The following NOTCH3 variants were observed in gnomAD, a reference collection of about 807,000 sequenced individuals.
The protein encoded by NOTCH3 is notch receptor 3.
In NOTCH3, 86 loss-of-function variants were observed where a neutral mutation model predicts 213.3. The ratio of observed to expected loss-of-function variants is 0.40; its 90% CI spans 0.34 to 0.48. NOTCH3 has a LOEUF of 0.48. Ranked by LOEUF, NOTCH3 falls within the 20% of genes least tolerant of loss-of-function variation. The pLI, the probability that NOTCH3 is intolerant of heterozygous loss-of-function variation, is 0.57. For synonymous variants in NOTCH3, 1,354 were observed against 1,355.9 expected, an observed-to-expected ratio of 1.00 and a Z score of 0.03; for missense variants, 2,783 against 3,272.6, an observed-to-expected ratio of 0.85 and a Z score of 3.65.
chr19:15,197,742 C>G (rs1290403357), intron 1 of NOTCH3, among the ~76,000 whole-genome samples, 164 bp from the exon 2 acceptor site: 7 of 83,248 alleles, frequency 8.4e-5, no homozygotes, highest in Admixed American at 5.3e-4. Context: ...ACGCCCCCCC[C>G]CCCCCCGCCC....
intron 2 of NOTCH3, among the ~76,000 whole-genome samples, chr19:15,195,905 G>A (rs894176065): frequency 2.6e-5 from 4 of 151,598 alleles, no homozygotes; most frequent in Non-Finnish European, 4.4e-5. Flanking sequence ...TAAGCTTTGG[G>A]GGAGACGGAG....
chr19:15,173,104 CTTTTTTTTTTTTT>C (rs1162467192), intron 25 of NOTCH3, among the ~76,000 whole-genome samples: 2 of 19,252 alleles, frequency 1.0e-4, no homozygotes, highest in African/African-American at 1.1e-3. Flanking sequence ...TCTTCTTCTT[CTTTTTTTTTTTTT>C]TTTTTTTTTT....
rs746173197 is a variant in NOTCH3, at chr19:15,185,439, G to A, written c.2145-31C>T. 12 of 1,611,938 alleles carry A rather than the reference G, an allele frequency of 7.4e-6. No homozygotes were observed. Among genetic ancestry groups the A allele is most frequent in the East Asian group, 2.2e-5 (1 of 44,820 alleles). ...AGGGGAAGGTAGTCAGGCCAGGGAG[G>A]TGGGCCAGGGAGAGGGGGCAGTGTC... On this transcript the variant is annotated intron_variant, in intron 13 of 32. Coordinates refer to ENST00000263388, the MANE Select transcript of NOTCH3 (RefSeq NM_000435.3). This position sits in a 1 kb window ranked among gnomAD's most constrained non-coding sequence, Gnocchi z 4.2.
chr19:15,169,563 G>T (rs2145398392), intron 28 of NOTCH3, among the ~76,000 whole-genome samples: 1 of 152,274 alleles, frequency 6.6e-6, no homozygotes, highest in East Asian at 1.9e-4. Context: ...TACAGACGGG[G>T]TTTCACCATG....
chr19:15,184,943 G>C lies in NOTCH3; in HGVS notation c.2373C>G (p.Gly791=). Residue 791 remains glycine (G), a synonymous_variant, in exon 15 of 33, where the codon GGC becomes GGG. Coordinates refer to ENST00000263388, the MANE Select transcript of NOTCH3 (RefSeq NM_000435.3). ...EHGGRCESAP[G]QLPVCSCPQG... ...GGGGGCAGGAGCAGACAGGCAGCTG[G>C]CCAGGGGCAGACTCGCAGCGGCCCC... 1 of 1,549,870 alleles carries C rather than the reference G, an allele frequency of 6.5e-7. No individual in the cohort carries two copies. Among genetic ancestry groups the C allele is most frequent in the Non-Finnish European group, 8.7e-7 (1 of 1,146,190 alleles).
At chr19:15,188,179 A>C in intron 9 of NOTCH3, 56 bp downstream of exon 9, 1 of 1,326,108 alleles carries the variant, frequency 7.5e-7, no homozygotes. Context: ...CCCACCCTGG[A>C]GTTTTTGCCC....
intron 28 of NOTCH3, among the ~76,000 whole-genome samples, chr19:15,169,242 C>T (rs1373490453): frequency 1.3e-5 from 2 of 149,120 alleles, no homozygotes. Context: ...CCTCTGTGTA[C>T]ACAGAGGAAA....
chr19:15,192,905 A>G (rs1043492568), intron 2 of NOTCH3, among the ~76,000 whole-genome samples: 2 of 151,938 alleles, frequency 1.3e-5, no homozygotes, highest in Non-Finnish European at 2.9e-5. Flanking sequence ...ACAGAGTAAG[A>G]CTCGGTCTCA....
intron 16 of NOTCH3, 48 bp from the exon 17 acceptor site, chr19:15,181,849 GC>G: frequency 6.8e-7 from 1 of 1,480,818 alleles, no homozygotes; most frequent in South Asian, 1.2e-5. Context: ...GCCCCCATTA[GC>G]CCAGTCTGAC....
rs1487780762 is a variant in NOTCH3 at position 15,192,412 on chromosome 19, G to A, written c.305C>T (p.Ala102Val). 18 of 1,612,246 alleles carry A rather than the reference G, an allele frequency of 1.1e-5. No homozygotes were observed. The highest frequency in any genetic ancestry group is 1.7e-5 in the Admixed American group (1 of 59,978). The stretch of plus-strand genomic sequence containing the variant: ...ACGGGGGCACCGGCATGAGAATCGG[G>A]CGGTGCCAGCCACCACTGAACTCTG... ...VCQSSVVAGT[A>V]RFSCRCPRGF... Residue 102 changes from alanine to valine, a missense_variant, in exon 3 of 33, where the codon GCC becomes GTC. Around this residue, in one of 6 missense-constraint regions of NOTCH3, gnomAD observed 708 missense variants for 906.6 expected, o/e 0.78. Coordinates refer to ENST00000263388, the MANE Select transcript of NOTCH3 (RefSeq NM_000435.3).
chr19:15,190,426 A>T (rs2046918173), intron 6 of NOTCH3, among the ~76,000 whole-genome samples: 1 of 151,956 alleles, frequency 6.6e-6, no homozygotes, highest in Non-Finnish European at 1.5e-5. Flanking sequence ...CCCCTCCTAA[A>T]CATGTTCTCT....
chr19:15,181,185 G>A (rs1266467388), intron 17 of NOTCH3, 23 bp from the exon 18 acceptor site: 1 of 1,601,598 alleles, frequency 6.2e-7, no homozygotes, highest in Non-Finnish European at 8.5e-7. Flanking sequence ...GAGTGGGAGG[G>A]AGGATCAGGC....
In NOTCH3 at chr19:15,161,599, T is replaced by C. The variant is rs1460871264; in HGVS notation, c.6029A>G (p.Asp2010Gly). Reference sequence around the variant, plus strand: ...CTGGTGCAGTCTCTCCTGGGCTACGTCCCGCGGCAGCCTGTCCAGGTGGTC... The same window carrying C: ...CTGGTGCAGTCTCTCCTGGGCTACGCCCCGCGGCAGCCTGTCCAGGTGGTC... The part of the protein sequence containing the change: ...ITDHLDRLPR[D>G]VAQERLHQDI... Residue 2010 changes from aspartate (D) to glycine (G), a missense_variant, in exon 33 of 33, where the codon GAC becomes GGC. Asp to Gly is a moderately conservative substitution (Grantham distance 94). This residue lies in a region of NOTCH3 where 441 missense variants were observed against 432.1 expected (regional missense o/e 1.02). Transcript: ENST00000263388. The C allele has an allele frequency of 6.2e-7, 1 of 1,612,118 alleles. No individual in the cohort carries two copies. Among genetic ancestry groups the C allele is most frequent in the Non-Finnish European group, 8.5e-7 (1 of 1,179,322 alleles).
chr19:15,168,081 G>A lies in NOTCH3; in HGVS notation c.5200-670C>T, dbSNP rs1359678775. Among the ~76,000 whole-genome samples, 3 of 152,066 alleles carry A rather than the reference G, an allele frequency of 2.0e-5. No individual in the cohort carries two copies. In the East Asian group the frequency reaches 5.8e-4, roughly 29 times the overall value. ...GCGGCCCAAGTAGCTGGGACTATAA[G>A]CACACAGTATAAGCAGATTGGGATA... On this transcript the variant is annotated intron_variant, in intron 28 of 32. Coordinates refer to ENST00000263388, the MANE Select transcript of NOTCH3 (RefSeq NM_000435.3).
intron 25 of NOTCH3, among the ~76,000 whole-genome samples, chr19:15,173,761 AGAAGGAGAAGGAGAAGGAGAAGG>A (rs2046762147): frequency 7.1e-4 from 2 of 2,804 alleles, no homozygotes; most frequent in African/African-American, 5.8e-3. Flanking sequence ...AAGGAGAAGG[AGAAGGAGAAGGAGAAGGAGAAGG>A]AGAAGAAGAA....
chr19:15,185,318 G>C lies in NOTCH3; in HGVS notation c.2235C>G (p.Ala745=), dbSNP rs190937435. Residue 745 remains alanine (A), a synonymous_variant, in exon 14 of 33, where the codon GCC becomes GCG. Coordinates refer to ENST00000263388, the MANE Select transcript of NOTCH3 (RefSeq NM_000435.3). The surrounding 1 kb of genome is among the most constrained non-coding windows in gnomAD (Gnocchi z 4.2). ...TTCCATCGCTGCTGCATGTCCCACC[G>C]GCCCTGCACGGCTGGGACTCACAGG... ...RDACESQPCR[A]GGTCSSDGMG... is the part of the protein sequence containing the mutation. 1 of 1,612,490 alleles carries C rather than the reference G, an allele frequency of 6.2e-7. No individual in the cohort carries two copies. The highest frequency in any genetic ancestry group is 8.5e-7 in the Non-Finnish European group (1 of 1,179,828).
chr19:15,186,370 TG>T (rs2046880965), intron 12 of NOTCH3, among the ~76,000 whole-genome samples: 1 of 118,700 alleles, frequency 8.4e-6, no homozygotes, highest in Non-Finnish European at 1.7e-5. Flanking sequence ...TCTTTTTGTT[TG>T]TTTTTGTATG....
At chr19:15,167,775 G>A (rs1438703924) in intron 28 of NOTCH3, among the ~76,000 whole-genome samples, 4 of 151,982 alleles carry the variant, frequency 2.6e-5, no homozygotes, top group African/African-American at 7.2e-5. Flanking sequence ...GGCTGGTCTC[G>A]AACTCCTGAC....
chr19:15,193,026 C>A (rs886829098), intron 2 of NOTCH3, among the ~76,000 whole-genome samples: 2 of 152,090 alleles, frequency 1.3e-5, no homozygotes, highest in African/African-American at 4.8e-5. Flanking sequence ...GAAAGGGGTC[C>A]CTATCCCTCT....
Sources: gnomAD v4.1 joint callset for allele counts (sites outside exome capture counted in the v4.1 genomes callset) on GRCh38, gnomAD v4.1.1 for gene constraint, gnomAD v4.1.1 regional missense constraint, Gnocchi (gnomAD v3.1) non-coding constraint, MANE v1.5 for transcripts, NCBI Gene and HGNC (gene_info 2026-07-23, HGNC 2026-07-21) for gene names.